Variants in FER1L6 observed in about 807,000 individuals in gnomAD.
FER1L6 encodes the protein fer-1-like protein 6.
Under a neutral mutation model 219.2 loss-of-function variants are expected in FER1L6, and 177 were observed. That is an observed-to-expected ratio of 0.81 (90% CI 0.71 to 0.91). The LOEUF (loss-of-function observed/expected upper bound fraction) is 0.91. Ranked by LOEUF, FER1L6 falls within the 40% of genes least tolerant of loss-of-function variation. The pLI, the probability that FER1L6 is intolerant of heterozygous loss-of-function variation, is 0.00. For missense variants in FER1L6, 2,153 were observed against 2,259.9 expected (o/e 0.95, Z 0.96); for synonymous variants, 768 against 824.3 (o/e 0.93, Z 1.17).
At chr8:123,902,268 G>T (rs577784806) in intron 1 of FER1L6, among the ~76,000 whole-genome samples, 2 of 152,280 alleles carry the variant, frequency 1.3e-5, no homozygotes, top group South Asian at 2.1e-4. Context: ...CTGTTGAATA[G>T]AATGTGTATT....
intron 12 of FER1L6, among the ~76,000 whole-genome samples, chr8:123,994,690 C>T (rs139937272): frequency 1.6e-3 from 245 of 152,310 alleles, no homozygotes; most frequent in African/African-American, 5.6e-3. Context: ...GGCTGCAACA[C>T]GTTTCCCACT....
chr8:123,980,608 G>A lies in FER1L6; in HGVS notation c.1207G>A (p.Val403Met), dbSNP rs1816279684. The change falls in exon 11 of 41, where the codon GTG becomes ATG. Residue 403 changes from valine to methionine, a missense_variant. Coordinates refer to ENST00000522917, the MANE Select transcript of FER1L6 (RefSeq NM_001039112.2). The part of the protein sequence containing the change: ...FRGRILVEIA[V>M]EILSGRAQES... Reference sequence around the variant, plus strand: ...GGGCAGAATCTTGGTAGAAATTGCTGTGGAAATCCTCTCAGGACGGGCACA... The same window carrying A: ...GGGCAGAATCTTGGTAGAAATTGCTATGGAAATCCTCTCAGGACGGGCACA... 3 of 1,614,050 alleles carry A rather than the reference G, an allele frequency of 1.9e-6. No homozygotes were observed. In the South Asian group the frequency reaches 3.3e-5, roughly 18 times the overall value.
At chr8:124,031,091 C>T (rs1183911787) in intron 18 of FER1L6, among the ~76,000 whole-genome samples, 1 of 151,888 alleles carries the variant, frequency 6.6e-6, no homozygotes, top group Non-Finnish European at 1.5e-5. Flanking sequence ...AAATACCTTG[C>T]TGTGGTTGGT....
intron 1 of FER1L6, among the ~76,000 whole-genome samples, chr8:123,868,362 A>G (rs1247651010): frequency 6.6e-6 from 1 of 152,188 alleles, no homozygotes; most frequent in Non-Finnish European, 1.5e-5. Flanking sequence ...TGATAAGCAA[A>G]AGCCTAAAAA....
intron 12 of FER1L6, among the ~76,000 whole-genome samples, chr8:124,001,878 A>C (rs1389220931): frequency 6.6e-6 from 1 of 152,252 alleles, no homozygotes; most frequent in Non-Finnish European, 1.5e-5. Context: ...TGATGGGAAT[A>C]TGATGTGACT....
At chr8:124,075,444 C>T (rs1054355777) in intron 31 of FER1L6, among the ~76,000 whole-genome samples, 1 of 152,192 alleles carries the variant, frequency 6.6e-6, no homozygotes, top group Non-Finnish European at 1.5e-5. Context: ...CACTAACACG[C>T]ATGGAGCTGT....
At chr8:124,003,085 A>G (rs1022756987) in intron 12 of FER1L6, 82 bp from the exon 13 acceptor site, 1 of 1,171,986 alleles carries the variant, frequency 8.5e-7, no homozygotes, top group Admixed American at 1.9e-5. Flanking sequence ...GTGGGAGAAC[A>G]TGAGTTTGGA....
rs1390751920 is a variant in FER1L6, at chr8:124,061,870, C to G, written c.3166C>G (p.Leu1056Val). 1 of 1,613,778 alleles carries G rather than the reference C, an allele frequency of 6.2e-7. No homozygotes were observed. The highest frequency in any genetic ancestry group is 8.5e-7 in the Non-Finnish European group (1 of 1,179,984). Residue 1056 changes from leucine (L) to valine (V), a missense_variant, in exon 25 of 41, where the codon CTT becomes GTT. Physicochemically the swap from Leu to Val is conservative, Grantham distance 32 (BLOSUM62 1). Transcript: ENST00000522917. ...TCTGCAGGAACTGCCTGAGAACGAG[C>G]TTCTGCACCCGCCACTGAGCATCTG... is the stretch of plus-strand genomic sequence containing the variant. ...AFEVELPENE[L>V]LHPPLSICVV...
intron 1 of FER1L6, among the ~76,000 whole-genome samples, chr8:123,928,760 A>G (rs1375519642): frequency 6.6e-6 from 1 of 152,242 alleles, no homozygotes; most frequent in South Asian, 2.1e-4. Flanking sequence ...ATCTGAGGAT[A>G]ATAACAAGGA....
At chr8:123,985,981 A>T (rs1816558143) in intron 11 of FER1L6, 87 bp from the exon 12 acceptor site, 10 of 740,302 alleles carry the variant, frequency 1.4e-5, no homozygotes, top group Admixed American at 2.2e-5. Context: ...TTTATAAATT[A>T]TGCTGGATGA....
chr8:124,109,587 T>G (rs73703951), intron 39 of FER1L6, among the ~76,000 whole-genome samples: 3,044 of 152,334 alleles, frequency 0.02, 104 homozygotes, highest in African/African-American at 0.07. Context: ...TGATTTCTTC[T>G]TAACTCCTGT....
chr8:124,047,451 A>G (rs1819787517), intron 21 of FER1L6: 1 of 152,244 alleles, frequency 6.6e-6, no homozygotes, highest in Non-Finnish European at 1.5e-5. Context: ...GATGATTGAT[A>G]TGTTTAAGTG....
intron 25 of FER1L6, 46 bp from the exon 26 acceptor site, chr8:124,064,301 C>T: frequency 6.6e-7 from 1 of 1,513,652 alleles, no homozygotes; most frequent in Middle Eastern, 1.9e-4. Context: ...AAACGACCAC[C>T]CTGTGATGCA....
chr8:124,113,967 G>A (rs549624719), intron 39 of FER1L6, among the ~76,000 whole-genome samples: 7 of 152,268 alleles, frequency 4.6e-5, no homozygotes, highest in East Asian at 3.9e-4. Context: ...CCCCTCTGCC[G>A]TTAGCAAAGG....
chr8:124,107,851 T>C (rs1331691888), intron 39 of FER1L6, among the ~76,000 whole-genome samples: 1 of 152,148 alleles, frequency 6.6e-6, no homozygotes, highest in African/African-American at 2.4e-5. Flanking sequence ...GATCACCTCT[T>C]ATAGTCCTAG....
At chr8:124,022,629 T>C (rs1225179532) in intron 17 of FER1L6, among the ~76,000 whole-genome samples, 2 of 152,250 alleles carry the variant, frequency 1.3e-5, no homozygotes, top group African/African-American at 4.8e-5. Context: ...CAGTTCCTTG[T>C]AGAAATACTT....
At chr8:123,976,392 C>T (rs1348601871) in intron 9 of FER1L6, among the ~76,000 whole-genome samples, 2 of 152,030 alleles carry the variant, frequency 1.3e-5, no homozygotes, top group Admixed American at 1.3e-4. Flanking sequence ...CCCCTGTAAT[C>T]CCAGCTACTG....
intron 1 of FER1L6, among the ~76,000 whole-genome samples, chr8:123,914,818 G>C (rs969082703): frequency 2.0e-5 from 3 of 152,142 alleles, no homozygotes; most frequent in African/African-American, 7.2e-5. Flanking sequence ...GTAAGAAAAA[G>C]TGGGCCAGGA....
chr8:123,919,858 C>T (rs943182394), intron 1 of FER1L6, among the ~76,000 whole-genome samples: 10 of 152,160 alleles, frequency 6.6e-5, no homozygotes, highest in African/African-American at 2.4e-4. Context: ...GACTCTTCTG[C>T]ACCTGTGAAA....
Sources: gnomAD v4.1 joint callset for allele counts (sites outside exome capture counted in the v4.1 genomes callset) on GRCh38, gnomAD v4.1.1 for gene constraint, MANE v1.5 for transcripts, NCBI Gene and HGNC (gene_info 2026-07-23, HGNC 2026-07-21) for gene names.